DLG2: variants seen among roughly 807,000 people sequenced by gnomAD.
The protein encoded by DLG2 is disks large homolog 2.
In DLG2, 45 loss-of-function variants were observed where a neutral mutation model predicts 132.5. The ratio of observed to expected loss-of-function variants is 0.34; its 90% CI spans 0.27 to 0.44. The LOEUF is 0.44. Among genes scored for constraint, DLG2 ranks in the 20% least tolerant of loss-of-function variants. DLG2 has a pLI of 1.00. For synonymous variants in DLG2, 424 were observed against 419.6 expected, an observed-to-expected ratio of 1.01 and a Z score of -0.13; for missense variants, 1,045 against 1,196.9, an observed-to-expected ratio of 0.87 and a Z score of 1.87.
chr11:85,446,608 A>C (rs192389422), intron 3 of DLG2, among the ~76,000 whole-genome samples: 192 of 152,312 alleles, frequency 1.3e-3, no homozygotes, highest in Non-Finnish European at 2.1e-3. Flanking sequence ...TATTTAAGAT[A>C]AAATACTATT....
chr11:84,577,893 T>C (rs1565351206), intron 6 of DLG2, among the ~76,000 whole-genome samples: 1 of 151,816 alleles, frequency 6.6e-6, no homozygotes, highest in Non-Finnish European at 1.5e-5. Context: ...GAGGAAAAAG[T>C]GGTTTGGGGG....
chr11:84,819,333 A>C (rs547124396), intron 6 of DLG2, among the ~76,000 whole-genome samples: 1 of 152,046 alleles, frequency 6.6e-6, no homozygotes, highest in Non-Finnish European at 1.5e-5. Context: ...AACTCTCTTA[A>C]GTCTTGGAAG....
At chr11:83,576,637 G>A (rs1403978825) in intron 19 of DLG2, among the ~76,000 whole-genome samples, 2 of 152,148 alleles carry the variant, frequency 1.3e-5, no homozygotes, top group Admixed American at 6.6e-5. Context: ...CATCTTTAAA[G>A]TTACCTGCAC....
In DLG2 at chr11:84,448,804, T is replaced by C. The variant is rs111507089; in HGVS notation, c.519+85766A>G. On this transcript the variant is annotated intron_variant, in intron 7 of 27. Coordinates refer to ENST00000376104, the MANE Select transcript of DLG2 (RefSeq NM_001142699.3). ...TATGAAACACTCAAGAAAAGTAACA[T>C]ACCTTATTTATTTTCGTATCCTCGG... 3.8e-3 allele frequency among the ~76,000 whole-genome samples: 583 copies of C among 152,136 alleles called. 2 individuals carry two copies. The highest frequency in any genetic ancestry group is 0.013 in the African/African-American group (540 of 41,562).
intron 3 of DLG2, among the ~76,000 whole-genome samples, chr11:85,430,961 G>C (rs2091140726): frequency 6.6e-6 from 1 of 151,856 alleles, no homozygotes; most frequent in East Asian, 1.9e-4. Flanking sequence ...GACAGAGCGA[G>C]ACTCTGTCTC....
intron 4 of DLG2, among the ~76,000 whole-genome samples, chr11:85,252,353 C>T (rs2076438063): frequency 6.6e-6 from 1 of 152,106 alleles, no homozygotes; most frequent in African/African-American, 2.4e-5. Flanking sequence ...GGTTGGGAGG[C>T]CAAGGCAGGC....
chr11:85,317,799 CTAA>C (rs1270273584), intron 3 of DLG2, among the ~76,000 whole-genome samples: 1 of 151,780 alleles, frequency 6.6e-6, no homozygotes, highest in Non-Finnish European at 1.5e-5. Flanking sequence ...AGAAAAATAA[CTAA>C]TGAGTACTAG....
intron 18 of DLG2, among the ~76,000 whole-genome samples, chr11:83,775,416 G>A (rs1327369208): frequency 6.6e-6 from 1 of 152,106 alleles, no homozygotes; most frequent in East Asian, 1.9e-4. Context: ...TTTAACCTCG[G>A]GAAAACCACT....
chr11:84,147,093 G>A (rs1055859153), intron 9 of DLG2, among the ~76,000 whole-genome samples: 13 of 151,628 alleles, frequency 8.6e-5, no homozygotes, highest in African/African-American at 2.9e-4. Flanking sequence ...GCTTGATTTC[G>A]CTCAGGTGCC....
intron 18 of DLG2, among the ~76,000 whole-genome samples, chr11:83,700,249 T>C (rs1346918574): frequency 1.3e-5 from 2 of 152,140 alleles, no homozygotes; most frequent in Non-Finnish European, 2.9e-5. Flanking sequence ...GTGAAGATTA[T>C]CCTCTCTTTT....
intron 4 of DLG2, among the ~76,000 whole-genome samples, chr11:85,243,056 CT>C (rs2075967246): frequency 6.6e-6 from 1 of 152,042 alleles, no homozygotes. Flanking sequence ...AGAATTCAAA[CT>C]GTTTTTTCTT....
intron 6 of DLG2, among the ~76,000 whole-genome samples, chr11:84,627,043 G>T (rs550566498): frequency 6.6e-6 from 1 of 151,710 alleles, no homozygotes; most frequent in Non-Finnish European, 1.5e-5. Context: ...GCTAATTTTC[G>T]TATTTTTGGT....
chr11:83,493,559 A>C (rs1372347501), intron 21 of DLG2, among the ~76,000 whole-genome samples: 1 of 152,108 alleles, frequency 6.6e-6, no homozygotes, highest in Non-Finnish European at 1.5e-5. Context: ...CTCAATAAAT[A>C]TTTGTTGAAT....
intron 6 of DLG2, among the ~76,000 whole-genome samples, chr11:84,739,259 G>A (rs1288676030): frequency 6.6e-6 from 1 of 152,072 alleles, no homozygotes; most frequent in Non-Finnish European, 1.5e-5. Flanking sequence ...CAAGACCAAA[G>A]AATTACATTA....
chr11:85,053,291 T>A (rs2063085066), intron 6 of DLG2, among the ~76,000 whole-genome samples: 1 of 152,066 alleles, frequency 6.6e-6, no homozygotes, highest in South Asian at 2.1e-4. Flanking sequence ...AGAAAAAGAT[T>A]CAGAATGTAG....
intron 21 of DLG2, among the ~76,000 whole-genome samples, chr11:83,488,113 C>A (rs1028079112): frequency 6.6e-6 from 1 of 151,908 alleles, no homozygotes; most frequent in Admixed American, 6.6e-5. Context: ...AAAAAAGGAC[C>A]CTCTCCCCAA....
At chr11:84,409,758 T>C (rs893667210) in intron 7 of DLG2, among the ~76,000 whole-genome samples, 2 of 152,216 alleles carry the variant, frequency 1.3e-5, no homozygotes, top group African/African-American at 2.4e-5. Flanking sequence ...CAGATCAATA[T>C]GTTTAATTTA....
chr11:84,476,299 A>G (rs2099121539), intron 7 of DLG2, among the ~76,000 whole-genome samples: 1 of 152,146 alleles, frequency 6.6e-6, no homozygotes, highest in South Asian at 2.1e-4. Context: ...AGTACAAGTT[A>G]CAGGAAAAGG....
chr11:84,567,210 G>C (rs940666805), intron 6 of DLG2, among the ~76,000 whole-genome samples: 10 of 152,094 alleles, frequency 6.6e-5, no homozygotes, highest in Admixed American at 6.6e-4. Context: ...TGCATAAAAG[G>C]AAGGTATTGA....
Sources: gnomAD v4.1 joint callset for allele counts (sites outside exome capture counted in the v4.1 genomes callset) on GRCh38, gnomAD v4.1.1 for gene constraint, MANE v1.5 for transcripts, NCBI Gene and HGNC (gene_info 2026-07-23, HGNC 2026-07-21) for gene names.